CHRM3: variants seen among roughly 807,000 people sequenced by gnomAD.
The protein encoded by CHRM3 is muscarinic acetylcholine receptor M3.
In CHRM3, 11 loss-of-function variants were observed where a neutral mutation model predicts 41.8. The ratio of observed to expected loss-of-function variants is 0.26; its 90% CI spans 0.17 to 0.44. The LOEUF is 0.44. Ranked by LOEUF, CHRM3 falls within the 20% of genes least tolerant of loss-of-function variation. The pLI, the probability that CHRM3 is intolerant of heterozygous loss-of-function variation, is 1.00. For synonymous variants in CHRM3, 297 were observed against 301.4 expected (o/e 0.99, Z 0.15); for missense variants, 571 against 745.4 (o/e 0.77, Z 2.72).
chr1:239,836,719 T>C (rs1221107558), intron 6 of CHRM3, among the ~76,000 whole-genome samples: 2 of 152,198 alleles, frequency 1.3e-5, no homozygotes, highest in Non-Finnish European at 2.9e-5. Flanking sequence ...GGCTCACGTC[T>C]GTAATCTCGG....
intron 5 of CHRM3, among the ~76,000 whole-genome samples, chr1:239,740,493 G>T (rs1053056416): frequency 1.3e-5 from 2 of 151,546 alleles, no homozygotes; most frequent in Non-Finnish European, 2.9e-5. Context: ...GGATACATGT[G>T]CAGAACGTGC....
At chr1:239,723,034 G>C (rs1049628217) in intron 5 of CHRM3, among the ~76,000 whole-genome samples, 1 of 151,878 alleles carries the variant, frequency 6.6e-6, no homozygotes, top group African/African-American at 2.4e-5. Flanking sequence ...AGCCAATAGA[G>C]ACTTTTGAAT....
In CHRM3 at chr1:239,828,517, A is replaced by G. The variant is rs979682917; in HGVS notation, c.-20+1139A>G. On this transcript the variant is annotated intron_variant, in intron 6 of 6. Transcript: ENST00000676153. Reference sequence around the variant, plus strand: ...TAGCGTATTCAGGGAAGGACAGTCTAATATAATAACATTTAAGCAAAGAAC... The same window carrying G: ...TAGCGTATTCAGGGAAGGACAGTCTGATATAATAACATTTAAGCAAAGAAC... Among the ~76,000 whole-genome samples, 6 of 152,144 alleles carry G rather than the reference A, an allele frequency of 3.9e-5. No homozygotes were observed. The East Asian group carries it at 1.2e-3, about 29-fold the overall frequency.
chr1:239,410,837 G>C (rs1204292434), intron 1 of CHRM3, among the ~76,000 whole-genome samples: 1 of 152,132 alleles, frequency 6.6e-6, no homozygotes, highest in Non-Finnish European at 1.5e-5. Flanking sequence ...CGGTTGAAAA[G>C]ATCAATATAT....
intron 4 of CHRM3, among the ~76,000 whole-genome samples, chr1:239,675,027 G>T (rs1266622908): frequency 6.6e-6 from 1 of 151,934 alleles, no homozygotes; most frequent in African/African-American, 2.4e-5. Flanking sequence ...GAGTTCTTTT[G>T]ATACAAGGTT....
intron 5 of CHRM3, among the ~76,000 whole-genome samples, chr1:239,810,788 A>G (rs1458920277): frequency 6.6e-6 from 1 of 152,222 alleles, no homozygotes; most frequent in African/African-American, 2.4e-5. Flanking sequence ...CTGTTTATCA[A>G]CCCTTTGAGG....
intron 5 of CHRM3, chr1:239,704,338 T>C (rs759686932): frequency 1.3e-5 from 2 of 152,170 alleles, no homozygotes; most frequent in Non-Finnish European, 2.9e-5. Context: ...ATTTTTTCTT[T>C]ATTTAACTCA....
chr1:239,447,899 G>A (rs1267193920), intron 1 of CHRM3, among the ~76,000 whole-genome samples: 1 of 152,118 alleles, frequency 6.6e-6, no homozygotes, highest in Admixed American at 6.5e-5. Context: ...ATATCTTCTT[G>A]TTTTTTGTCT....
chr1:239,813,925 A>AAAAAAAAAAAAAAAAAC (rs1553274107), intron 5 of CHRM3, among the ~76,000 whole-genome samples: 14 of 146,484 alleles, frequency 9.6e-5, no homozygotes, highest in African/African-American at 3.8e-4. Flanking sequence ...TCAAAAAAAA[A>AAAAAAAAAAAAAAAAAC]AAAAAAAAAC....
At chr1:239,900,050 A>G (rs531843199) in intron 6 of CHRM3, among the ~76,000 whole-genome samples, 1 of 152,326 alleles carries the variant, frequency 6.6e-6, no homozygotes, top group African/African-American at 2.4e-5. Flanking sequence ...CCTGAGCATT[A>G]CAAGGAAAGA....
At chr1:239,638,077 A>G (rs1364089597) in intron 4 of CHRM3, among the ~76,000 whole-genome samples, 2 of 151,358 alleles carry the variant, frequency 1.3e-5, no homozygotes, top group African/African-American at 4.9e-5. Flanking sequence ...CCATGTCCCT[A>G]CAAAGGACAT....
chr1:239,877,776 T>G (rs180932666), intron 6 of CHRM3, among the ~76,000 whole-genome samples: 35 of 152,228 alleles, frequency 2.3e-4, no homozygotes, highest in Non-Finnish European at 4.1e-4. Context: ...CAGTCCCCTT[T>G]TGGCACCAGG....
chr1:239,388,312 T>C (rs1257175963), intron 1 of CHRM3, among the ~76,000 whole-genome samples: 1 of 152,226 alleles, frequency 6.6e-6, no homozygotes, highest in African/African-American at 2.4e-5. Flanking sequence ...GATGTGTGGT[T>C]AAGAACACTG....
chr1:239,447,764 G>A (rs935106330), intron 1 of CHRM3, among the ~76,000 whole-genome samples: 6 of 151,848 alleles, frequency 4.0e-5, no homozygotes, highest in East Asian at 1.9e-4. Context: ...CGAAAAGAGC[G>A]AAATTCTGTC....
At chr1:239,565,073 T>C (rs1429473495) in intron 3 of CHRM3, among the ~76,000 whole-genome samples, 2 of 152,144 alleles carry the variant, frequency 1.3e-5, no homozygotes, top group Admixed American at 1.3e-4. Context: ...ATATTCAATA[T>C]TGCCTTCTCC....
intron 1 of CHRM3, among the ~76,000 whole-genome samples, chr1:239,476,333 G>T (rs1201803513): frequency 6.6e-6 from 1 of 152,078 alleles, no homozygotes; most frequent in Non-Finnish European, 1.5e-5. Flanking sequence ...GGGCATGTTG[G>T]TGGGCGCCTG....
rs1162304076 is a variant in CHRM3 at position 239,913,070 on chromosome 1, G to T, written c.*3846G>T. On this transcript the variant is annotated 3_prime_UTR_variant, in exon 7 of 7. Coordinates refer to ENST00000676153, the MANE Select transcript of CHRM3 (RefSeq NM_001375978.1). ...CATGACGAAAGTAAAATGGTATATT[G>T]GGTGAATGTTTGAAAATTTCAGATT... 6.0e-6 allele frequency: 1 copy of T among 167,002 alleles called. No homozygotes were observed. Among genetic ancestry groups the T allele is most frequent in the East Asian group, 1.9e-4 (1 of 5,186 alleles). The allele number at this position is 167,002 out of a possible 1,614,324, so 10.3% of individuals were successfully genotyped here.
intron 2 of CHRM3, among the ~76,000 whole-genome samples, chr1:239,494,769 G>A (rs1377044171): frequency 1.3e-5 from 2 of 151,974 alleles, no homozygotes; most frequent in East Asian, 1.9e-4. Context: ...TCATTGTTCA[G>A]CTCCCACTTA....
intron 1 of CHRM3, among the ~76,000 whole-genome samples, chr1:239,475,414 C>G (rs1666402938): frequency 6.6e-6 from 1 of 152,018 alleles, no homozygotes; most frequent in Non-Finnish European, 1.5e-5. Context: ...GTCTAATAAT[C>G]AGAAAAACTT....
Sources: allele counts gnomAD v4.1 joint callset (sites outside exome capture counted in the v4.1 genomes callset), GRCh38; gene constraint gnomAD v4.1.1; transcripts MANE v1.5; gene names NCBI Gene and HGNC (gene_info 2026-07-23, HGNC 2026-07-21).